Variants in GALNT13 observed in about 807,000 individuals in gnomAD.
The protein encoded by GALNT13 is polypeptide N-acetylgalactosaminyltransferase 13.
A neutral mutation model predicts 64.2 loss-of-function variants in GALNT13; 28 were observed. The observed-to-expected ratio is 0.44, with a 90% CI of 0.32 to 0.60. GALNT13 has a LOEUF of 0.60. Among genes scored for constraint, GALNT13 ranks in the 20% least tolerant of loss-of-function variants. GALNT13 has a pLI of 0.05. For missense variants in GALNT13, 577 were observed against 669.8 expected (o/e 0.86, Z 1.53); for synonymous variants, 214 against 224.6 (o/e 0.95, Z 0.42).
chr2:154,448,826 A>G (rs1701726894), intron 12 of GALNT13, among the ~76,000 whole-genome samples: 2 of 152,000 alleles, frequency 1.3e-5, no homozygotes, highest in Admixed American at 1.3e-4. Flanking sequence ...TTTCCGGGGT[A>G]GCTTAATGGG....
the GALNT13 span, among the ~76,000 whole-genome samples, chr2:153,340,003 C>T: frequency 6.6e-6 from 1 of 151,990 alleles, no homozygotes; most frequent in Non-Finnish European, 1.5e-5. Flanking sequence ...ATTATTGTAG[C>T]TTTATAATAT....
At chr2:153,523,073 G>A in the GALNT13 span, among the ~76,000 whole-genome samples, 2 of 107,934 alleles carry the variant, frequency 1.9e-5, no homozygotes, top group African/African-American at 8.3e-5. Context: ...TTTTGCATGT[G>A]GGTGTCCAGT....
the GALNT13 span, among the ~76,000 whole-genome samples, chr2:153,132,554 A>G: frequency 6.6e-6 from 1 of 152,138 alleles, no homozygotes; most frequent in African/African-American, 2.4e-5. Context: ...TTATGAGTCT[A>G]TCCCGTGAGT....
chr2:154,394,415 A>G (rs1055082037), intron 9 of GALNT13, among the ~76,000 whole-genome samples: 2 of 152,184 alleles, frequency 1.3e-5, no homozygotes, highest in African/African-American at 4.8e-5. Flanking sequence ...ACCAAATCTT[A>G]ACATGATGAA....
At chr2:153,700,244 C>T in the GALNT13 span, among the ~76,000 whole-genome samples, 16,330 of 152,112 alleles carry the variant, frequency 0.11, 1,290 homozygotes, top group African/African-American at 0.22. Context: ...TGACAAAAAC[C>T]GCATGATTAT....
At chr2:153,720,599 T>G in the GALNT13 span, among the ~76,000 whole-genome samples, 1 of 150,110 alleles carries the variant, frequency 6.7e-6, no homozygotes, top group Non-Finnish European at 1.5e-5. Flanking sequence ...GAATAACCAA[T>G]ACAGAGAAGT....
the GALNT13 span, among the ~76,000 whole-genome samples, chr2:153,203,400 A>G: frequency 6.6e-6 from 1 of 152,228 alleles, no homozygotes; most frequent in African/African-American, 2.4e-5. Context: ...TTGGCAGGCA[A>G]TATAGTTTAA....
At chr2:153,478,214 T>G in the GALNT13 span, 1 of 1,589,780 alleles carries the variant, frequency 6.3e-7, no homozygotes, top group Non-Finnish European at 8.6e-7. Context: ...TGGGAGCGGT[T>G]GCCGCGGGGG....
intron 3 of GALNT13, among the ~76,000 whole-genome samples, chr2:154,051,586 G>A (rs1239732496): frequency 2.0e-5 from 3 of 152,018 alleles, no homozygotes; most frequent in Non-Finnish European, 2.9e-5. Flanking sequence ...CACCGCGCCC[G>A]GCCATCTTAC....
At chr2:153,142,619 CAA>C in the GALNT13 span, among the ~76,000 whole-genome samples, 1 of 148,630 alleles carries the variant, frequency 6.7e-6, no homozygotes, top group Non-Finnish European at 1.5e-5. Flanking sequence ...AGAGCAAGAG[CAA>C]GAGAGAGAGA....
chr2:153,907,374 A>G (rs1386323466), intron 2 of GALNT13, among the ~76,000 whole-genome samples: 2 of 152,008 alleles, frequency 1.3e-5, no homozygotes, highest in East Asian at 1.9e-4. Context: ...AATTACATAC[A>G]TAATAATACA....
intron 2 of GALNT13, among the ~76,000 whole-genome samples, chr2:153,918,003 T>C (rs1337392359): frequency 6.6e-6 from 1 of 152,074 alleles, no homozygotes; most frequent in Non-Finnish European, 1.5e-5. Context: ...CTCCTGCATG[T>C]ACACATGTGT....
At chr2:153,963,845 C>A (rs1484822603) in intron 3 of GALNT13, among the ~76,000 whole-genome samples, 2 of 144,302 alleles carry the variant, frequency 1.4e-5, no homozygotes, top group African/African-American at 5.1e-5. Context: ...AATTGGATTG[C>A]CTGTGGCTTG....
intron 2 of GALNT13, among the ~76,000 whole-genome samples, chr2:153,920,177 G>A (rs1214063635): frequency 6.6e-6 from 1 of 151,652 alleles, no homozygotes; most frequent in Non-Finnish European, 1.5e-5. Flanking sequence ...CATGACTTAG[G>A]TGTCATCAAT....
the GALNT13 span, among the ~76,000 whole-genome samples, chr2:153,182,591 C>T: frequency 6.6e-6 from 1 of 152,164 alleles, no homozygotes; most frequent in Non-Finnish European, 1.5e-5. Context: ...CTTCCTGATG[C>T]TCCCTCTCAG....
At chr2:154,422,381 C>A (rs892747833) in intron 11 of GALNT13, among the ~76,000 whole-genome samples, 1 of 152,052 alleles carries the variant, frequency 6.6e-6, no homozygotes. Context: ...CAATTCATTT[C>A]TTTTATTCTG....
chr2:153,216,285 T>C, the GALNT13 span, among the ~76,000 whole-genome samples: 1 of 152,086 alleles, frequency 6.6e-6, no homozygotes, highest in African/African-American at 2.4e-5. Flanking sequence ...ATACAGGTTT[T>C]TGTGAGAACA....
chr2:153,942,828 A>T (rs1486811392), intron 2 of GALNT13, among the ~76,000 whole-genome samples: 1 of 152,176 alleles, frequency 6.6e-6, no homozygotes, highest in Non-Finnish European at 1.5e-5. Flanking sequence ...TAGGTTGGTT[A>T]TAACAGGCAA....
the GALNT13 span, among the ~76,000 whole-genome samples, chr2:153,712,398 C>T: frequency 1.3e-5 from 2 of 152,216 alleles, no homozygotes; most frequent in African/African-American, 4.8e-5. Context: ...ACATCACTCC[C>T]TTCTTGCCCT....
Sources: allele counts gnomAD v4.1 joint callset (sites outside exome capture counted in the v4.1 genomes callset), GRCh38; gene constraint gnomAD v4.1.1; transcripts MANE v1.5; gene names NCBI Gene and HGNC (gene_info 2026-07-23, HGNC 2026-07-21).